DDR2: variants seen among roughly 807,000 people sequenced by gnomAD.
DDR2 encodes discoidin domain receptor tyrosine kinase 2.
In DDR2, 27 loss-of-function variants were observed where a neutral mutation model predicts 94.9. That is an observed-to-expected ratio of 0.28 (90% CI 0.21 to 0.39). The LOEUF is 0.39. DDR2 is among the 10% of genes least tolerant of loss of function. The pLI, the probability that DDR2 is intolerant of heterozygous loss-of-function variation, is 1.00. For synonymous variants in DDR2, 382 were observed against 377.2 expected (o/e 1.01, Z -0.15); for missense variants, 783 against 1,076.0 (o/e 0.73, Z 3.81).
intron 3 of DDR2, among the ~76,000 whole-genome samples, chr1:162,749,536 T>C (rs755672795): frequency 2.0e-5 from 3 of 152,048 alleles, no homozygotes; most frequent in African/African-American, 7.3e-5. Flanking sequence ...CCAAAAAAAG[T>C]CCAGGACCAG....
rs892138674 is a variant in DDR2 at position 162,784,056 on chromosome 1, C to A, written c.*3810C>A. 2.6e-5 allele frequency: 4 copies of A among 152,254 alleles called. No individual in the cohort carries two copies. In the Middle Eastern group the frequency reaches 0.014, roughly 518 times the overall value. The allele number at this position is 152,254 out of a possible 1,614,324, so 9.4% of individuals were successfully genotyped here. A position where few individuals can be genotyped will look rare whatever the true frequency, so the allele number is the denominator to read the frequency against. Reference sequence around the variant, plus strand: ...ACCACAGGCAAACATCAAAACAATACGCATAAGTTAGACAAGATTAAATCT... The same window carrying A: ...ACCACAGGCAAACATCAAAACAATAAGCATAAGTTAGACAAGATTAAATCT... On this transcript the variant is annotated 3_prime_UTR_variant, in exon 18 of 18. Coordinates refer to ENST00000367921, the MANE Select transcript of DDR2 (RefSeq NM_006182.4).
chr1:162,766,278 C>T (rs552864092), intron 10 of DDR2, among the ~76,000 whole-genome samples: 22 of 152,270 alleles, frequency 1.4e-4, no homozygotes, highest in African/African-American at 5.3e-4. Context: ...TCAGCTGAGG[C>T]AGAGTCTGGA....
intron 2 of DDR2, among the ~76,000 whole-genome samples, chr1:162,694,973 G>A (rs1660120808): frequency 6.6e-6 from 1 of 152,092 alleles, no homozygotes; most frequent in Non-Finnish European, 1.5e-5. Flanking sequence ...AATTTTGAAT[G>A]TATCCGTGAA....
At position 162,759,855 on chromosome 1, in the gene DDR2, A is replaced by G; in HGVS notation, c.731A>G (p.Gln244Arg). 6.2e-7 allele frequency: 1 copy of G among 1,614,172 alleles called. No individual in the cohort carries two copies. Among genetic ancestry groups the G allele is most frequent in the South Asian group, 1.1e-5 (1 of 91,088 alleles). ...GTGTCTGGCCTGGACGATTTCACCC[A>G]GACCCATGAATACCACGTGTGGCCC... ...DGVSGLDDFT[Q>R]THEYHVWPGY... Residue 244 changes from glutamine to arginine, a missense_variant, in exon 8 of 18, where the codon CAG becomes CGG. This residue lies in a region of DDR2 where 519 missense variants were observed against 647.9 expected (regional missense o/e 0.80). Transcript: ENST00000367921.
intron 1 of DDR2, among the ~76,000 whole-genome samples, chr1:162,633,807 A>G (rs2101876884): frequency 6.6e-6 from 1 of 152,344 alleles, no homozygotes; most frequent in African/African-American, 2.4e-5. Context: ...AAAAGAAGCT[A>G]AATTCTGAGT....
At chr1:162,748,327 C>G (rs1166568666) in intron 3 of DDR2, among the ~76,000 whole-genome samples, 1 of 151,736 alleles carries the variant, frequency 6.6e-6, no homozygotes, top group East Asian at 1.9e-4. Context: ...AAATGGAAAA[C>G]AAAAAAAGGC....
rs973730030 is a variant in DDR2 at position 162,773,461 on chromosome 1, T to C, written c.1729-8T>C. On this transcript the variant is annotated splice_region_variant and splice_polypyrimidine_tract_variant and intron_variant, in intron 13 of 17. Coordinates refer to ENST00000367921, the MANE Select transcript of DDR2 (RefSeq NM_006182.4). Reference sequence around the variant, plus strand: ...TGATGATGCTGAGACTAGATGACTTTTGTCTAGGTTCATCTCTGTGAAGTG... The same window carrying C: ...TGATGATGCTGAGACTAGATGACTTCTGTCTAGGTTCATCTCTGTGAAGTG... 6.2e-7 allele frequency: 1 copy of C among 1,613,282 alleles called. No individual in the cohort carries two copies. The highest frequency in any genetic ancestry group is 1.3e-5 in the African/African-American group (1 of 74,904).
chr1:162,702,844 T>A (rs1660489383), intron 2 of DDR2, among the ~76,000 whole-genome samples: 1 of 152,194 alleles, frequency 6.6e-6, no homozygotes, highest in African/African-American at 2.4e-5. Context: ...GATAAGCCAC[T>A]CAGCTAGCTA....
chr1:162,758,078 A>G (rs905795878), intron 7 of DDR2, among the ~76,000 whole-genome samples: 3 of 152,298 alleles, frequency 2.0e-5, no homozygotes, highest in African/African-American at 7.2e-5. Context: ...ATGATGATGG[A>G]TTTAGTTTGG....
chr1:162,714,477 C>A (rs2102020513), intron 2 of DDR2, among the ~76,000 whole-genome samples: 1 of 152,248 alleles, frequency 6.6e-6, no homozygotes, highest in African/African-American at 2.4e-5. Flanking sequence ...GCTACTAAAG[C>A]ATCTGAAACT....
intron 2 of DDR2, among the ~76,000 whole-genome samples, chr1:162,707,601 C>T (rs1660719225): frequency 6.6e-6 from 1 of 152,142 alleles, no homozygotes; most frequent in South Asian, 2.1e-4. Context: ...GTTGGTTTTT[C>T]CAAATGCTCA....
At position 162,778,488 on chromosome 1, in the gene DDR2, G is replaced by A. The variant is rs1179234565; in HGVS notation, c.2284-92G>A. 3.3e-6 allele frequency: 5 copies of A among 1,505,462 alleles called. No homozygotes were observed. In the East Asian group the frequency reaches 9.0e-5, roughly 27 times the overall value. The allele number at this position is 1,505,462 out of a possible 1,614,324, so 93.3% of individuals were successfully genotyped here. A position where few individuals can be genotyped will look rare whatever the true frequency, so the allele number is the denominator to read the frequency against. ...TTTCAGAATTCCTTGCCTGTGGTGG[G>A]GGAAGGGGTATAGCTGCAGATTATG... On this transcript the variant is annotated intron_variant, in intron 16 of 17. Transcript: ENST00000367921.
At chr1:162,677,970 C>T (rs895993590) in intron 2 of DDR2, among the ~76,000 whole-genome samples, 13 of 151,582 alleles carry the variant, frequency 8.6e-5, no homozygotes, top group Admixed American at 3.3e-4. Context: ...ATTTTTTAAA[C>T]TTTGTACAAG....
intron 8 of DDR2, among the ~76,000 whole-genome samples, chr1:162,761,001 C>T (rs931833403): frequency 7.9e-5 from 12 of 151,646 alleles, no homozygotes; most frequent in African/African-American, 2.7e-4. Flanking sequence ...TTAGATTGTA[C>T]ACTATTTTGG....
intron 2 of DDR2, among the ~76,000 whole-genome samples, chr1:162,695,392 G>A (rs1231109844): frequency 2.0e-5 from 3 of 152,004 alleles, no homozygotes; most frequent in African/African-American, 4.8e-5. Context: ...CCACCACGCC[G>A]GCTAATTTTT....
At chr1:162,664,789 A>T (rs1318639756) in intron 2 of DDR2, among the ~76,000 whole-genome samples, 1 of 152,162 alleles carries the variant, frequency 6.6e-6, no homozygotes, top group Non-Finnish European at 1.5e-5. Flanking sequence ...TGAGTTACAT[A>T]TTTTTTTAAA....
chr1:162,675,350 C>T (rs368963044), intron 2 of DDR2, among the ~76,000 whole-genome samples: 4 of 152,112 alleles, frequency 2.6e-5, no homozygotes, highest in East Asian at 3.9e-4. Flanking sequence ...GCAGCAACCA[C>T]AGGACGAAAG....
intron 3 of DDR2, among the ~76,000 whole-genome samples, chr1:162,748,768 C>T (rs948427565): frequency 6.6e-6 from 1 of 152,228 alleles, no homozygotes; most frequent in Non-Finnish European, 1.5e-5. Flanking sequence ...AAGCACTCCT[C>T]AGCAAATGTA....
At chr1:162,695,382 C>T (rs974081669) in intron 2 of DDR2, among the ~76,000 whole-genome samples, 4 of 152,168 alleles carry the variant, frequency 2.6e-5, no homozygotes, top group Non-Finnish European at 5.9e-5. Context: ...CAGGCAGTAG[C>T]CACCACGCCG....
Sources: allele counts gnomAD v4.1 joint callset (sites outside exome capture counted in the v4.1 genomes callset), GRCh38; gene constraint gnomAD v4.1.1; regional missense constraint gnomAD v4.1.1; transcripts MANE v1.5; gene names NCBI Gene and HGNC (gene_info 2026-07-23, HGNC 2026-07-21).